DRC4: variants seen among roughly 807,000 people sequenced by gnomAD.
DRC4 encodes dynein regulatory complex subunit 4.
At chr16:90,022,736 C>A in the DRC4 span, 1 of 1,405,556 alleles carries the variant, frequency 7.1e-7, no homozygotes, top group Non-Finnish European at 9.3e-7. Context: ...TGAGCAGGGG[C>A]GGGAGCGGGG....
At chr16:90,042,549 C>G in the DRC4 span, 5 of 1,610,968 alleles carry the variant, frequency 3.1e-6, no homozygotes, top group East Asian at 1.1e-4. Context: ...CGGCTGTGCC[C>G]TGCCCTCCCT....
chr16:90,019,701 G>T, the DRC4 span: 1 of 570,784 alleles, frequency 1.8e-6, no homozygotes, highest in Admixed American at 3.7e-5. This position sits in a 1 kb window ranked among gnomAD's most constrained non-coding sequence, Gnocchi z 6.1. Context: ...GACCCCGGCC[G>T]GGCGTCCGGG....
chr16:90,024,993 T>G, the DRC4 span, among the ~76,000 whole-genome samples: 1 of 151,638 alleles, frequency 6.6e-6, no homozygotes, highest in African/African-American at 2.4e-5. Flanking sequence ...TTTCTAAAAT[T>G]TCCACATAAT....
chr16:90,027,890 C>T, the DRC4 span: 9 of 615,664 alleles, frequency 1.5e-5, 1 homozygote, highest in Admixed American at 5.9e-5. Context: ...CTTTCGGCTG[C>T]ACCATGTCTT....
At chr16:90,025,923 T>G in the DRC4 span, among the ~76,000 whole-genome samples, 1 of 148,570 alleles carries the variant, frequency 6.7e-6, no homozygotes, top group African/African-American at 2.5e-5. Context: ...TTTTAAAAAA[T>G]AAATAAAATT....
the DRC4 span, chr16:90,040,563 G>A: frequency 6.7e-7 from 1 of 1,500,078 alleles, no homozygotes; most frequent in Non-Finnish European, 9.0e-7. Flanking sequence ...CCTGTGGCAA[G>A]AGTCTTCAGT....
At chr16:90,040,594 G>GCA in the DRC4 span, 4 of 1,258,456 alleles carry the variant, frequency 3.2e-6, no homozygotes, top group South Asian at 2.6e-5. Context: ...TCCTCGGATA[G>GCA]GCACAGAGAC....
At chr16:90,040,624 G>C in the DRC4 span, 2 of 968,616 alleles carry the variant, frequency 2.1e-6, no homozygotes, top group Non-Finnish European at 2.9e-6. Context: ...GGCCACTGAG[G>C]AGGGGCATTC....
chr16:90,038,465 C>T, the DRC4 span, among the ~76,000 whole-genome samples: 3 of 152,202 alleles, frequency 2.0e-5, no homozygotes, highest in Admixed American at 2.0e-4. Flanking sequence ...TAGCCGACTC[C>T]CGTCTGTTTC....
the DRC4 span, chr16:90,020,137 C>A: frequency 1.8e-6 from 1 of 559,878 alleles, no homozygotes; most frequent in East Asian, 3.2e-5. Context: ...AAATTATATA[C>A]ACATTAGATC....
At chr16:90,043,708 A>G in the DRC4 span, 5 of 493,726 alleles carry the variant, frequency 1.0e-5, 1 homozygote, top group East Asian at 1.3e-4. Context: ...TGTCCCACCG[A>G]ATGGACAGCT....
At chr16:90,040,241 C>G in the DRC4 span, 1 of 1,501,908 alleles carries the variant, frequency 6.7e-7, no homozygotes, top group Non-Finnish European at 9.0e-7. Flanking sequence ...CAGCATCTTC[C>G]CAGCGAGATG....
the DRC4 span, chr16:90,029,471 C>T: frequency 2.0e-6 from 1 of 501,568 alleles, no homozygotes; most frequent in Non-Finnish European, 3.4e-6. Context: ...ATCTCAACAC[C>T]ATGTGAGCCA....
chr16:90,022,482 C>G, the DRC4 span: 3 of 449,940 alleles, frequency 6.7e-6, no homozygotes, highest in Non-Finnish European at 1.2e-5. Context: ...CAAAACATGC[C>G]CTGCAGCGAA....
chr16:90,044,117 A>T, the DRC4 span: 1 of 452,626 alleles, frequency 2.2e-6, no homozygotes, highest in East Asian at 7.0e-5. Flanking sequence ...TCCGCACCAG[A>T]GGGACACTCC....
chr16:90,032,074 C>T, the DRC4 span, among the ~76,000 whole-genome samples: 1 of 151,034 alleles, frequency 6.6e-6, no homozygotes, highest in Non-Finnish European at 1.5e-5. Context: ...CAGGTGTGTA[C>T]GGGAATTTAC....
chr16:90,033,903 G>A, the DRC4 span, among the ~76,000 whole-genome samples: 2 of 151,194 alleles, frequency 1.3e-5, no homozygotes, highest in African/African-American at 4.9e-5. Context: ...GCTGGGAGAC[G>A]GGATGGGCCA....
the DRC4 span, among the ~76,000 whole-genome samples, chr16:90,035,170 T>C: frequency 2.0e-5 from 3 of 152,302 alleles, no homozygotes; most frequent in South Asian, 4.1e-4. Flanking sequence ...CCCAAAGTGC[T>C]GGGATTACAG....
the DRC4 span, chr16:90,040,142 G>A: frequency 1.4e-6 from 1 of 692,370 alleles, no homozygotes; most frequent in Non-Finnish European, 2.5e-6. Flanking sequence ...CCAGGGCGCA[G>A]GCAGTGTGGA....
Sources: allele counts gnomAD v4.1 joint callset (sites outside exome capture counted in the v4.1 genomes callset), GRCh38; gene constraint gnomAD v4.1.1; non-coding constraint Gnocchi (gnomAD v3.1); transcripts MANE v1.5; gene names NCBI Gene and HGNC (gene_info 2026-07-23, HGNC 2026-07-21).